GALNT13: variants seen among roughly 807,000 people sequenced by gnomAD.
The protein encoded by GALNT13 is UDP-GalNAc:polypeptide N-acetylgalactosaminyltransferase 13.
GALNT13 carries 28 observed loss-of-function variants against 64.2 expected under a neutral mutation model. The observed-to-expected ratio is 0.44, with a 90% CI of 0.32 to 0.60. The LOEUF is 0.60. GALNT13 is among the 20% of genes least tolerant of loss of function. The pLI, the probability that GALNT13 is intolerant of heterozygous loss-of-function variation, is 0.05. For missense variants in GALNT13, 577 were observed against 669.8 expected (o/e 0.86, Z 1.53); for synonymous variants, 214 against 224.6 (o/e 0.95, Z 0.42).
At chr2:154,130,550 A>C (rs1013256075) in intron 3 of GALNT13, among the ~76,000 whole-genome samples, 1 of 152,316 alleles carries the variant, frequency 6.6e-6, no homozygotes. Context: ...TGAAAGATAT[A>C]TATATTTTTT....
chr2:153,649,118 A>G, the GALNT13 span, among the ~76,000 whole-genome samples: 3 of 152,224 alleles, frequency 2.0e-5, no homozygotes, highest in Admixed American at 1.3e-4. Flanking sequence ...TTGGTAAGCT[A>G]TTAATTATTG....
intron 9 of GALNT13, among the ~76,000 whole-genome samples, chr2:154,387,170 T>C (rs1401096994): frequency 2.0e-5 from 3 of 152,126 alleles, no homozygotes; most frequent in Non-Finnish European, 2.9e-5. Flanking sequence ...GTAATTTGTA[T>C]GGACATAGGG....
chr2:153,903,852 C>T (rs1039708973), intron 2 of GALNT13, among the ~76,000 whole-genome samples: 7 of 151,936 alleles, frequency 4.6e-5, no homozygotes, highest in Admixed American at 2.0e-4. Context: ...TGTAACCATC[C>T]CACAGGTCAA....
At chr2:153,619,934 G>A in the GALNT13 span, among the ~76,000 whole-genome samples, 1 of 151,740 alleles carries the variant, frequency 6.6e-6, no homozygotes, top group Non-Finnish European at 1.5e-5. Flanking sequence ...AGTTTTCTTT[G>A]GGTTAAATCT....
the GALNT13 span, among the ~76,000 whole-genome samples, chr2:153,302,520 G>GT: frequency 1.3e-5 from 2 of 150,052 alleles, no homozygotes; most frequent in African/African-American, 5.0e-5. Flanking sequence ...GTAAGTTGTC[G>GT]TCTCTTCAGT....
At chr2:153,138,489 GT>G in the GALNT13 span, among the ~76,000 whole-genome samples, 1 of 151,966 alleles carries the variant, frequency 6.6e-6, no homozygotes, top group Non-Finnish European at 1.5e-5. Context: ...CAGATCCCTG[GT>G]TTTTACTTTT....
the GALNT13 span, among the ~76,000 whole-genome samples, chr2:153,681,588 C>T: frequency 6.6e-6 from 1 of 151,768 alleles, no homozygotes; most frequent in Non-Finnish European, 1.5e-5. Flanking sequence ...TATGCTATCA[C>T]ACCAATTTCC....
chr2:153,124,753 C>T, the GALNT13 span, among the ~76,000 whole-genome samples: 3 of 152,308 alleles, frequency 2.0e-5, no homozygotes, highest in Admixed American at 6.5e-5. Flanking sequence ...CTGCCCACCT[C>T]GGCCTCCCAA....
At chr2:153,829,132 A>G in the GALNT13 span, among the ~76,000 whole-genome samples, 1 of 152,122 alleles carries the variant, frequency 6.6e-6, no homozygotes, top group African/African-American at 2.4e-5. Context: ...AAACTTTCCC[A>G]CATTTTCCTG....
Position 154,238,244 on chromosome 2 carries a change from T to G in GALNT13, c.312-3786T>G, listed in dbSNP as rs983981451. 2.0e-5 allele frequency among the ~76,000 whole-genome samples: 3 copies of G among 152,058 alleles called. No homozygotes were observed. In the East Asian group the frequency reaches 5.8e-4, roughly 29 times the overall value. On this transcript the variant is annotated intron_variant, in intron 4 of 12. Transcript: ENST00000392825. ...ATATGCTAAATGTTTGTCCCTCATA[T>G]GATAAGCAATACTATTTAAAGGCAA... is the stretch of plus-strand genomic sequence containing the variant.
the GALNT13 span, among the ~76,000 whole-genome samples, chr2:153,521,307 C>A: frequency 6.6e-6 from 1 of 151,652 alleles, no homozygotes; most frequent in Non-Finnish European, 1.5e-5. Context: ...AATGGAAAAG[C>A]TTTACCATAA....
intron 7 of GALNT13, among the ~76,000 whole-genome samples, chr2:154,256,666 A>T (rs887986095): frequency 6.6e-6 from 1 of 152,138 alleles, no homozygotes; most frequent in African/African-American, 2.4e-5. Context: ...TAAATTACCT[A>T]CCCTTATTAA....
chr2:153,354,189 A>G, the GALNT13 span: 21 of 152,226 alleles, frequency 1.4e-4, no homozygotes, highest in African/African-American at 4.3e-4. Flanking sequence ...AGATAAAAAA[A>G]TAAGCCCTAG....
At chr2:153,537,222 T>C in the GALNT13 span, among the ~76,000 whole-genome samples, 6 of 152,308 alleles carry the variant, frequency 3.9e-5, no homozygotes, top group Non-Finnish European at 5.9e-5. Context: ...GACATGAAGA[T>C]GAAAATTGAA....
intron 9 of GALNT13, among the ~76,000 whole-genome samples, chr2:154,365,125 G>A (rs1398927989): frequency 6.6e-6 from 1 of 152,084 alleles, no homozygotes; most frequent in African/African-American, 2.4e-5. Flanking sequence ...TTCCCATTCT[G>A]TTCTTTTTTC....
At chr2:154,003,672 T>A (rs576844402) in intron 3 of GALNT13, among the ~76,000 whole-genome samples, 1 of 152,294 alleles carries the variant, frequency 6.6e-6, no homozygotes, top group South Asian at 2.1e-4. Flanking sequence ...ATCCCCAATG[T>A]TGGAGATTGG....
At chr2:153,719,931 G>T in the GALNT13 span, among the ~76,000 whole-genome samples, 451 of 152,188 alleles carry the variant, frequency 3.0e-3, 3 homozygotes, top group African/African-American at 0.01. Context: ...CAAAGCAGCC[G>T]GGAAGCTCAA....
intron 9 of GALNT13, among the ~76,000 whole-genome samples, chr2:154,348,396 A>T (rs537526916): frequency 6.6e-6 from 1 of 152,178 alleles, no homozygotes; most frequent in South Asian, 2.1e-4. Context: ...ATAGTGCTTA[A>T]TAGTTTCTCG....
At chr2:153,114,290 C>A in the GALNT13 span, among the ~76,000 whole-genome samples, 2 of 152,038 alleles carry the variant, frequency 1.3e-5, no homozygotes, top group Non-Finnish European at 2.9e-5. Flanking sequence ...TTTTTCTCTC[C>A]CTGAGGCTGC....
Sources: allele counts gnomAD v4.1 joint callset (sites outside exome capture counted in the v4.1 genomes callset), GRCh38; gene constraint gnomAD v4.1.1; transcripts MANE v1.5; gene names NCBI Gene and HGNC (gene_info 2026-07-23, HGNC 2026-07-21).